Variants in DCHS2 observed in about 807,000 individuals in gnomAD.
DCHS2 encodes the protein protocadherin-23.
A neutral mutation model predicts 182.4 loss-of-function variants in DCHS2; 142 were observed. The ratio of observed to expected loss-of-function variants is 0.78; its 90% CI spans 0.68 to 0.89. The LOEUF (loss-of-function observed/expected upper bound fraction) is 0.89, where lower values mean the gene tolerates loss of function less well. DCHS2 is among the 40% of genes least tolerant of loss of function. The probability of loss-of-function intolerance (pLI) is 0.00; values close to 1 mark genes in which losing one functional copy is unlikely to be tolerated. For missense variants in DCHS2, 4,319 were observed against 4,198.6 expected (o/e 1.03, Z -0.79); for synonymous variants, 1,740 against 1,663.3 (o/e 1.05, Z -1.12).
At chr4:154,353,578 C>T (rs533842976) in intron 3 of DCHS2, among the ~76,000 whole-genome samples, 1 of 152,326 alleles carries the variant, frequency 6.6e-6, no homozygotes, top group South Asian at 2.1e-4. Context: ...CTATCAGAGA[C>T]ATGATGACCC....
At position 154,440,583 on chromosome 4, in the gene DCHS2, AT is replaced by A. The variant is rs984411393; in HGVS notation, c.2052+48720del. ...TGGAGGGCCAAAAACCATTGTCATA[AT>A]TTTTTTTTATTTCCCCAAACCAAGT... On this transcript the variant is annotated intron_variant, in intron 1 of 19. Coordinates refer to ENST00000357232, the MANE Select transcript of DCHS2 (RefSeq NM_001358235.2). Among the ~76,000 whole-genome samples, 485 of 151,798 alleles carry A rather than the reference AT, an allele frequency of 3.2e-3. 3 individuals are homozygous for A. Among genetic ancestry groups the A allele is most frequent in the African/African-American group, 8.3e-3 (344 of 41,404 alleles).
At chr4:154,453,785 T>G (rs1205738258) in intron 1 of DCHS2, among the ~76,000 whole-genome samples, 1 of 152,176 alleles carries the variant, frequency 6.6e-6, no homozygotes. Context: ...ATGAATCTCT[T>G]GCCTATCTAA....
Position 154,282,017 on chromosome 4 carries a change from C to G in DCHS2, c.6464-12004G>C, listed in dbSNP as rs561249833. 5.3e-5 allele frequency among the ~76,000 whole-genome samples: 8 copies of G among 152,186 alleles called. No homozygotes were observed. The South Asian group carries it at 1.7e-3, about 32-fold the overall frequency. On this transcript the variant is annotated intron_variant, in intron 13 of 19. Transcript: ENST00000357232. ...TTGGACCCTTTTCTTATACAATCTA[C>G]AAAGATCCACTCAGAATGGATTAGA...
In DCHS2 at chr4:154,490,889, C is replaced by A. The variant is rs1202050640; in HGVS notation, c.467G>T (p.Arg156Leu). ...CGAGTGGTCATTCACGTCGTTGACG[C>A]GAATCTCCACCTGCACCACAGCGCC... ...LLGAVVQVEIRVNDVNDHSPR... is the reference protein window; with the variant it reads ...LLGAVVQVEILVNDVNDHSPR... Residue 156 changes from arginine to leucine, a missense_variant, in exon 1 of 20, where the codon CGC becomes CTC. Physicochemically the swap from Arg to Leu is moderately radical, Grantham distance 102. Transcript: ENST00000357232. 6.4e-7 allele frequency: 1 copy of A among 1,551,402 alleles called. No individual in the cohort carries two copies. Among genetic ancestry groups the A allele is most frequent in the East Asian group, 2.4e-5 (1 of 40,900 alleles).
intron 12 of DCHS2, among the ~76,000 whole-genome samples, chr4:154,303,343 T>A (rs1735293992): frequency 6.6e-6 from 1 of 152,160 alleles, no homozygotes; most frequent in African/African-American, 2.4e-5. Context: ...GTGATTGATA[T>A]AACAGTCTTA....
chr4:154,362,877 T>A (rs1197953483), intron 3 of DCHS2, among the ~76,000 whole-genome samples: 1 of 152,168 alleles, frequency 6.6e-6, no homozygotes, highest in Non-Finnish European at 1.5e-5. Flanking sequence ...AACTTTATTG[T>A]AAGAATACAG....
rs766748777 is a variant in DCHS2 at position 154,234,557 on chromosome 4, T to C, written c.10095A>G (p.Ala3365=). Residue 3365 remains alanine, a synonymous_variant, in exon 20 of 20, where the codon GCA becomes GCG. Transcript: ENST00000357232. ...GGTTTCATATTTGAACTTCATCTTC[T>C]GCTTTAAGTTCATGGCATGTACCAC... The part of the protein sequence containing the change: ...HISGTCHELK[A]EDEVQI 5 of 1,609,794 alleles carry C rather than the reference T, an allele frequency of 3.1e-6. No individual in the cohort carries two copies. Among genetic ancestry groups the C allele is most frequent in the Non-Finnish European group, 4.2e-6 (5 of 1,177,332 alleles).
At chr4:154,388,239 T>C (rs1273761291) in intron 1 of DCHS2, among the ~76,000 whole-genome samples, 1 of 151,940 alleles carries the variant, frequency 6.6e-6, no homozygotes, top group African/African-American at 2.4e-5. Context: ...AATTCATTCA[T>C]AAGAGAGAAT....
rs772012930 is a variant in DCHS2 at position 154,304,885 on chromosome 4, C to T, written c.5396-7G>A. ...CCCCCATCTCGTACTAGTACTGACACAGAACACAAAGACGGTATGAATTGT... is the reference window on the plus strand; with the variant it reads ...CCCCCATCTCGTACTAGTACTGACATAGAACACAAAGACGGTATGAATTGT... On this transcript the variant is annotated splice_region_variant and splice_polypyrimidine_tract_variant and intron_variant, in intron 11 of 19. Transcript: ENST00000357232. The T allele has an allele frequency of 9.4e-6, 15 of 1,601,190 alleles. No homozygotes were observed. In the Middle Eastern group the frequency reaches 1.3e-3, roughly 142 times the overall value.
At chr4:154,334,233 A>C (rs1728672274) in intron 4 of DCHS2, 1 of 152,824 alleles carries the variant, frequency 6.5e-6, no homozygotes, top group South Asian at 2.1e-4. Context: ...GGAGAGAGGA[A>C]GGAACAGGAG....
chr4:154,332,850 G>C lies in DCHS2; in HGVS notation c.3358C>G (p.Leu1120Val), dbSNP rs1407281586. ...ACGCTGGGTTCCAGCGAGTACCTAA[G>C]AGGCGAGGCTGCACGCTGGGGGCCA... ...PLGPQRAASPLRYSLEPSVDS... is the reference protein window; with the variant it reads ...PLGPQRAASPVRYSLEPSVDS... The change falls in exon 5 of 20, where the codon CTT becomes GTT. Residue 1120 changes from leucine (L) to valine (V), a missense_variant. Leu to Val is a conservative substitution (Grantham distance 32). Coordinates refer to ENST00000357232, the MANE Select transcript of DCHS2 (RefSeq NM_001358235.2). 2 of 1,614,144 alleles carry C rather than the reference G, an allele frequency of 1.2e-6. No homozygotes were observed. The highest frequency in any genetic ancestry group is 4.5e-5 in the East Asian group (2 of 44,896).
rs146467495 is a variant in DCHS2, at chr4:154,257,597, A to G, written c.6790-1927T>C. On this transcript the variant is annotated intron_variant, in intron 15 of 19. Transcript: ENST00000357232. Reference sequence around the variant, plus strand: ...TCAATATCTTGATGACAACACCCCCAGGACTGCATCAACAGAGGGTCAGAC... The same window carrying G: ...TCAATATCTTGATGACAACACCCCCGGGACTGCATCAACAGAGGGTCAGAC... Among the ~76,000 whole-genome samples the G allele has an allele frequency of 2.7e-3, 405 of 152,284 alleles. 2 individuals are homozygous for G. Among genetic ancestry groups the G allele is most frequent in the Non-Finnish European group, 4.0e-3 (273 of 68,024 alleles).
At chr4:154,466,955 T>A (rs982629989) in intron 1 of DCHS2, among the ~76,000 whole-genome samples, 7 of 152,154 alleles carry the variant, frequency 4.6e-5, no homozygotes, top group African/African-American at 1.7e-4. Context: ...GAGCTCTCTT[T>A]CCCATATTCA....
intron 13 of DCHS2, among the ~76,000 whole-genome samples, chr4:154,276,943 A>T (rs1473957371): frequency 6.6e-6 from 1 of 152,236 alleles, no homozygotes; most frequent in Admixed American, 6.5e-5. Flanking sequence ...TTATGAAAAT[A>T]TTATGAAAAT....
At chr4:154,337,804 G>A (rs1218148406) in intron 3 of DCHS2, among the ~76,000 whole-genome samples, 1 of 151,992 alleles carries the variant, frequency 6.6e-6, no homozygotes, top group East Asian at 1.9e-4. Flanking sequence ...ACAGTGGCAT[G>A]ATCTCAGCTC....
At chr4:154,290,653 T>C (rs1734617587) in intron 13 of DCHS2, among the ~76,000 whole-genome samples, 1 of 152,028 alleles carries the variant, frequency 6.6e-6, no homozygotes, top group Non-Finnish European at 1.5e-5. Flanking sequence ...AGTGAACTCA[T>C]TTTTCACAAA....
At chr4:154,439,939 A>G (rs1163406037) in intron 1 of DCHS2, among the ~76,000 whole-genome samples, 1 of 152,242 alleles carries the variant, frequency 6.6e-6, no homozygotes, top group Non-Finnish European at 1.5e-5. Context: ...ATTAAAGGAA[A>G]CAGTAAATTT....
chr4:154,404,804 G>A (rs1732329936), intron 1 of DCHS2, among the ~76,000 whole-genome samples: 1 of 152,152 alleles, frequency 6.6e-6, no homozygotes, highest in Admixed American at 6.5e-5. Context: ...TTGTCTTGAA[G>A]TCTACTTCAT....
chr4:154,332,418 C>T (rs1028231930), intron 5 of DCHS2, 60 bp downstream of exon 5: 48 of 1,376,042 alleles, frequency 3.5e-5, no homozygotes, highest in Non-Finnish European at 4.5e-5. Context: ...TACTTAAAGA[C>T]GAGTGTGATA....
Sources: gnomAD v4.1 joint callset for allele counts (sites outside exome capture counted in the v4.1 genomes callset) on GRCh38, gnomAD v4.1.1 for gene constraint, MANE v1.5 for transcripts, NCBI Gene and HGNC (gene_info 2026-07-23, HGNC 2026-07-21) for gene names.